The following ROBO2 variants were observed in gnomAD, a reference collection of about 807,000 sequenced individuals.
The protein encoded by ROBO2 is roundabout homolog 2.
Under a neutral mutation model 160.8 loss-of-function variants are expected in ROBO2, and 53 were observed. The ratio of observed to expected loss-of-function variants is 0.33; its 90% confidence interval spans 0.26 to 0.41. The LOEUF is 0.41. Among genes scored for constraint, ROBO2 ranks in the 10% least tolerant of loss-of-function variants. The pLI is 1.00. For synonymous variants in ROBO2, 664 were observed against 611.7 expected, an observed-to-expected ratio of 1.09 and a Z score of -1.26; for missense variants, 1,577 against 1,722.4, an observed-to-expected ratio of 0.92 and a Z score of 1.49.
At chr3:76,137,913 A>G (rs1380934512) in intron 2 of ROBO2, among the ~76,000 whole-genome samples, 2 of 152,010 alleles carry the variant, frequency 1.3e-5, no homozygotes, top group African/African-American at 4.8e-5. Flanking sequence ...CCTATTTGGG[A>G]AATCCAGGAT....
chr3:76,618,218 T>C (rs2088755688), intron 2 of ROBO2, among the ~76,000 whole-genome samples: 1 of 151,512 alleles, frequency 6.6e-6, no homozygotes, highest in Non-Finnish European at 1.5e-5. Context: ...TTGGAAGAAT[T>C]AGTGAGGTCA....
At chr3:76,752,536 C>T (rs2060735193) in intron 2 of ROBO2, among the ~76,000 whole-genome samples, 1 of 151,370 alleles carries the variant, frequency 6.6e-6, no homozygotes, top group African/African-American at 2.4e-5. Context: ...CAGAAGTGTT[C>T]AAGATTGAGG....
At chr3:77,094,520 T>C (rs532546171) in intron 1 of ROBO2, among the ~76,000 whole-genome samples, 5 of 152,318 alleles carry the variant, frequency 3.3e-5, no homozygotes, top group Admixed American at 3.3e-4. Context: ...TGTGTGGATG[T>C]ATGGTTTCAT....
intron 8 of ROBO2, among the ~76,000 whole-genome samples, chr3:77,554,746 T>A (rs1158507377): frequency 1.3e-5 from 2 of 151,982 alleles, no homozygotes; most frequent in Non-Finnish European, 2.9e-5. Flanking sequence ...AAATGAAGAA[T>A]TGCTTCTTAG....
intron 2 of ROBO2, among the ~76,000 whole-genome samples, chr3:76,493,445 C>CAG (rs57803701): frequency 0.27 from 39,586 of 149,016 alleles, 6,428 homozygotes; most frequent in African/African-American, 0.44. Flanking sequence ...TGATGAGTCT[C>CAG]ATATCAAAAT....
At chr3:75,930,008 T>C (rs542658253) in intron 1 of ROBO2, among the ~76,000 whole-genome samples, 1 of 152,226 alleles carries the variant, frequency 6.6e-6, no homozygotes, top group Non-Finnish European at 1.5e-5. Flanking sequence ...TGTCATTTAT[T>C]TAAGGCTTTA....
chr3:76,312,099 A>C (rs1490223822), intron 2 of ROBO2, among the ~76,000 whole-genome samples: 1 of 152,180 alleles, frequency 6.6e-6, no homozygotes, highest in Non-Finnish European at 1.5e-5. Flanking sequence ...CAAGTTACCA[A>C]GATATGTGTT....
At chr3:77,299,829 T>C (rs2062489163) in intron 2 of ROBO2, among the ~76,000 whole-genome samples, 1 of 152,098 alleles carries the variant, frequency 6.6e-6, no homozygotes, top group Non-Finnish European at 1.5e-5. Context: ...GATAGAGTGG[T>C]GAGTGGCAGG....
chr3:77,619,719 A>G (rs141355727), intron 22 of ROBO2, among the ~76,000 whole-genome samples: 95 of 152,206 alleles, frequency 6.2e-4, no homozygotes, highest in African/African-American at 2.2e-3. Context: ...CCATAATCAT[A>G]TTGCGATGCT....
intron 2 of ROBO2, among the ~76,000 whole-genome samples, chr3:76,687,183 T>A (rs2092703140): frequency 6.6e-6 from 1 of 152,122 alleles, no homozygotes; most frequent in Non-Finnish European, 1.5e-5. Flanking sequence ...AGAGCCTGTA[T>A]TATTGATCAT....
At chr3:76,965,881 T>G (rs1319019506) in intron 2 of ROBO2, among the ~76,000 whole-genome samples, 3 of 147,934 alleles carry the variant, frequency 2.0e-5, no homozygotes, top group Non-Finnish European at 4.5e-5. Context: ...TTTTCCCTGT[T>G]TGCTTTATTT....
chr3:77,366,894 C>CCCG (rs375144952), intron 2 of ROBO2, among the ~76,000 whole-genome samples: 7 of 91,364 alleles, frequency 7.7e-5, no homozygotes, highest in Admixed American at 2.7e-4. Context: ...TCTCACAGCA[C>CCCG]CCCCCCGACA....
chr3:77,382,264 A>G (rs778043604), intron 2 of ROBO2, among the ~76,000 whole-genome samples: 39 of 152,118 alleles, frequency 2.6e-4, no homozygotes, highest in Non-Finnish European at 5.6e-4. Context: ...AGAATTGAGA[A>G]AATTTGATAG....
chr3:77,305,245 G>A (rs1023103748), intron 2 of ROBO2, among the ~76,000 whole-genome samples: 6 of 152,146 alleles, frequency 3.9e-5, no homozygotes, highest in Non-Finnish European at 5.9e-5. Context: ...ACACCTTATT[G>A]TCAATGTGGA....
chr3:77,498,791 G>A (rs1287265056), intron 5 of ROBO2, among the ~76,000 whole-genome samples: 1 of 152,092 alleles, frequency 6.6e-6, no homozygotes, highest in African/African-American at 2.4e-5. Context: ...CACATACAGT[G>A]TATGCATCAA....
At chr3:76,209,332 A>G (rs866364999) in intron 2 of ROBO2, among the ~76,000 whole-genome samples, 7 of 152,194 alleles carry the variant, frequency 4.6e-5, no homozygotes, top group Non-Finnish European at 1.0e-4. Flanking sequence ...TAACTAAGGA[A>G]TTGAACAAAC....
intron 2 of ROBO2, among the ~76,000 whole-genome samples, chr3:76,403,972 G>A (rs944315845): frequency 6.6e-6 from 1 of 151,642 alleles, no homozygotes; most frequent in African/African-American, 2.4e-5. Flanking sequence ...TAAGAAATCT[G>A]AGTTTCAGTT....
At chr3:76,994,146 A>G (rs1248535343) in intron 2 of ROBO2, among the ~76,000 whole-genome samples, 1 of 151,830 alleles carries the variant, frequency 6.6e-6, no homozygotes, top group Admixed American at 6.6e-5. Flanking sequence ...CTATCTGCAT[A>G]TATTGTTAAA....
intron 24 of ROBO2, 63 bp from the exon 27 acceptor site, chr3:77,644,641 T>C: frequency 2.8e-6 from 4 of 1,421,988 alleles, no homozygotes; most frequent in Non-Finnish European, 4.0e-6. Context: ...TATTCAAGAG[T>C]TAAGTTTAGT....
Sources: allele counts gnomAD v4.1 joint callset (sites outside exome capture counted in the v4.1 genomes callset), GRCh38; gene constraint gnomAD v4.1.1; transcripts MANE v1.5; gene names NCBI Gene and HGNC (gene_info 2026-07-23, HGNC 2026-07-21).